The following RIT2 variants were observed in gnomAD, a reference collection of about 807,000 sequenced individuals.
The protein encoded by RIT2 is Ras like without CAAX 2.
RIT2 carries 24 observed loss-of-function variants against 23.7 expected under a neutral mutation model. That is an observed-to-expected ratio of 1.01 (90% CI 0.73 to 1.43). The LOEUF is 1.43. Ranked by LOEUF, RIT2 falls within the 40% of genes most tolerant of loss-of-function variation. RIT2 has a pLI of 0.00. For synonymous variants in RIT2, 107 were observed against 91.1 expected, an observed-to-expected ratio of 1.17 and a Z score of -0.99; for missense variants, 236 against 266.9, an observed-to-expected ratio of 0.88 and a Z score of 0.81.
intron 2 of RIT2, among the ~76,000 whole-genome samples, chr18:42,997,432 A>C (rs8086600): frequency 6.6e-6 from 1 of 151,892 alleles, no homozygotes; most frequent in Non-Finnish European, 1.5e-5. Flanking sequence ...AAAAACAAAA[A>C]AAAGGAACGA....
At chr18:43,054,527 C>G (rs186224253) in intron 1 of RIT2, among the ~76,000 whole-genome samples, 2 of 152,032 alleles carry the variant, frequency 1.3e-5, no homozygotes, top group East Asian at 1.9e-4. Flanking sequence ...TCAGTAATGA[C>G]TATGGAGGAG....
At chr18:42,942,367 G>A (rs1700591833) in intron 3 of RIT2, among the ~76,000 whole-genome samples, 1 of 152,112 alleles carries the variant, frequency 6.6e-6, no homozygotes, top group Non-Finnish European at 1.5e-5. Flanking sequence ...CTCAGTATCG[G>A]AAGCCTCTCT....
intron 1 of RIT2, among the ~76,000 whole-genome samples, chr18:43,052,010 C>T (rs11876219): frequency 0.11 from 16,210 of 151,938 alleles, 931 homozygotes; most frequent in Non-Finnish European, 0.12. Context: ...GAGAATATAC[C>T]CAGGACTCTG....
At chr18:42,850,512 G>A (rs1907024638) in intron 4 of RIT2, among the ~76,000 whole-genome samples, 5 of 152,124 alleles carry the variant, frequency 3.3e-5, no homozygotes, top group Admixed American at 3.3e-4. Context: ...CGACCCACTG[G>A]CAAAGATATT....
At chr18:42,908,183 G>A (rs1598709983) in intron 4 of RIT2, among the ~76,000 whole-genome samples, 1 of 150,682 alleles carries the variant, frequency 6.6e-6, no homozygotes, top group East Asian at 1.9e-4. Flanking sequence ...TAGTAGAGTG[G>A]AAAAGACACA....
At chr18:42,785,614 G>T (rs113330011) in intron 4 of RIT2, among the ~76,000 whole-genome samples, 67 of 152,200 alleles carry the variant, frequency 4.4e-4, no homozygotes, top group African/African-American at 1.6e-3. Context: ...CAACCATGAG[G>T]TTATTCTGTT....
At chr18:42,743,957 G>T (rs1334088290) in intron 4 of RIT2, among the ~76,000 whole-genome samples, 3 of 152,122 alleles carry the variant, frequency 2.0e-5, no homozygotes, top group African/African-American at 4.8e-5. Flanking sequence ...AGTGTAAATG[G>T]CAGGTCCTTG....
intron 4 of RIT2, among the ~76,000 whole-genome samples, chr18:42,873,247 A>G (rs866386730): frequency 6.6e-6 from 1 of 152,140 alleles, no homozygotes; most frequent in Non-Finnish European, 1.5e-5. Flanking sequence ...AACTATATTT[A>G]TTTGCTTTTT....
At chr18:42,994,855 T>A (rs983411475) in intron 2 of RIT2, among the ~76,000 whole-genome samples, 8 of 152,126 alleles carry the variant, frequency 5.3e-5, no homozygotes, top group African/African-American at 1.9e-4. Context: ...ACCTGACACA[T>A]ATACTTTCTG....
chr18:43,102,624 T>A (rs575943611), intron 1 of RIT2, among the ~76,000 whole-genome samples: 166 of 149,914 alleles, frequency 1.1e-3, no homozygotes, highest in African/African-American at 3.8e-3. Flanking sequence ...GCATGCTCAG[T>A]TTTTTTTAAT....
chr18:42,750,299 C>A (rs1913016369), intron 4 of RIT2, among the ~76,000 whole-genome samples: 1 of 151,736 alleles, frequency 6.6e-6, no homozygotes, highest in Non-Finnish European at 1.5e-5. Context: ...TATAGTGTTT[C>A]TTTGGAAGGA....
intron 2 of RIT2, among the ~76,000 whole-genome samples, chr18:42,981,462 A>C (rs1424202340): frequency 1.3e-5 from 2 of 152,130 alleles, no homozygotes; most frequent in Admixed American, 6.6e-5. Flanking sequence ...AAACTATGAG[A>C]ATATCTAGCG....
intron 4 of RIT2, among the ~76,000 whole-genome samples, chr18:42,915,420 T>C (rs1908881878): frequency 6.6e-6 from 1 of 152,094 alleles, no homozygotes; most frequent in South Asian, 2.1e-4. Context: ...AAGAGTGGTA[T>C]TGTAATATTG....
At chr18:42,867,727 G>A (rs932714605) in intron 4 of RIT2, among the ~76,000 whole-genome samples, 2 of 152,116 alleles carry the variant, frequency 1.3e-5, no homozygotes, top group African/African-American at 2.4e-5. Context: ...CCAGGAGGTC[G>A]AGGCTTCAGT....
intron 4 of RIT2, among the ~76,000 whole-genome samples, chr18:42,864,943 T>C (rs536896747): frequency 3.3e-5 from 5 of 152,186 alleles, no homozygotes; most frequent in Admixed American, 2.6e-4. Context: ...CCTGCCTTAC[T>C]TACTAAATGG....
At chr18:43,107,639 A>T (rs1261333954) in intron 1 of RIT2, among the ~76,000 whole-genome samples, 1 of 152,022 alleles carries the variant, frequency 6.6e-6, no homozygotes, top group Non-Finnish European at 1.5e-5. Flanking sequence ...GGTTTTCTCA[A>T]GTTGAAAGGA....
intron 4 of RIT2, among the ~76,000 whole-genome samples, chr18:42,900,945 AT>A (rs928079606): frequency 4.6e-5 from 7 of 151,948 alleles, no homozygotes; most frequent in Non-Finnish European, 8.8e-5. Flanking sequence ...GGTCAAAGCT[AT>A]TTTTATATCA....
At chr18:42,747,819 A>G (rs907038446) in intron 4 of RIT2, among the ~76,000 whole-genome samples, 1 of 152,118 alleles carries the variant, frequency 6.6e-6, no homozygotes, top group African/African-American at 2.4e-5. Context: ...TGGTGTTAGG[A>G]TAATTGGCAA....
At chr18:42,983,182 C>G (rs1239357025) in intron 2 of RIT2, among the ~76,000 whole-genome samples, 5 of 151,894 alleles carry the variant, frequency 3.3e-5, no homozygotes, top group Admixed American at 3.3e-4. Context: ...TAGAACAGAA[C>G]AGAGAATCCA....
Sources: gnomAD v4.1 joint callset for allele counts (sites outside exome capture counted in the v4.1 genomes callset) on GRCh38, gnomAD v4.1.1 for gene constraint, MANE v1.5 for transcripts, NCBI Gene and HGNC (gene_info 2026-07-23, HGNC 2026-07-21) for gene names.